FBXO48: variants seen among roughly 807,000 people sequenced by gnomAD.
FBXO48 encodes F-box protein 48.
A neutral mutation model predicts 14.3 loss-of-function variants in FBXO48; 12 were observed. The observed-to-expected ratio is 0.84, with a 90% CI of 0.54 to 1.36. The LOEUF is 1.36. Ranked by LOEUF, FBXO48 falls within the 40% of genes most tolerant of loss-of-function variation. The probability of loss-of-function intolerance (pLI) is 0.00; values close to 1 mark genes in which losing one functional copy is unlikely to be tolerated. For missense variants in FBXO48, 177 were observed against 179.1 expected (o/e 0.99, Z 0.07); for synonymous variants, 53 against 61.7 (o/e 0.86, Z 0.66).
rs1369871147 is a variant in FBXO48, at chr2:68,462,144, T to G, written c.*2065A>C. 6.6e-6 allele frequency: 1 copy of G among 151,946 alleles called. No individual in the cohort carries two copies. The highest frequency in any genetic ancestry group is 1.5e-5 in the Non-Finnish European group (1 of 67,986). 9.4% of individuals were successfully genotyped at this position (151,946 alleles called of 1,614,324 possible). On this transcript the variant is annotated 3_prime_UTR_variant, in exon 4 of 4. Transcript: ENST00000377957. The stretch of plus-strand genomic sequence containing the variant: ...GGTGAGTCTCCCTAATTAGGATAAC[T>G]TCTATTAACAGATGATGATGATAGA...
chr2:68,464,910 T>C lies in FBXO48; in HGVS notation c.236A>G (p.His79Arg). ...IRNSDSLWKP[H>R]CMTVRAVCRR... ...GCACACAGCTCTTACAGTCATGCAG[T>C]GAGGTTTCCATAAAGAGTCACTGTT... Residue 79 changes from histidine to arginine, a missense_variant, in exon 3 of 4, where the codon CAC (histidine) becomes CGC (arginine). Coordinates refer to ENST00000377957, the MANE Select transcript of FBXO48 (RefSeq NM_001024680.3). 1 of 1,613,702 alleles carries C rather than the reference T, an allele frequency of 6.2e-7. No individual in the cohort carries two copies. The highest frequency in any genetic ancestry group is 8.5e-7 in the Non-Finnish European group (1 of 1,179,766).
In FBXO48 at chr2:68,464,884, G is replaced by C. The variant is rs1480540330; in HGVS notation, c.262C>G (p.Arg88Gly). ...TCTAGATCATCATCTATTTCTCTTCGGCACACAGCTCTTACAGTCATGCAG... is the reference window on the plus strand; with the variant it reads ...TCTAGATCATCATCTATTTCTCTTCCGCACACAGCTCTTACAGTCATGCAG... ...PHCMTVRAVC[R>G]REIDDDLESG... The change falls in exon 3 of 4, where the codon CGA becomes GGA. Residue 88 changes from arginine (R) to glycine (G), a missense_variant. Physicochemically the swap from Arg to Gly is moderately radical, Grantham distance 125 (BLOSUM62 -2). Coordinates refer to ENST00000377957, the MANE Select transcript of FBXO48 (RefSeq NM_001024680.3). 5 of 1,613,388 alleles carry C rather than the reference G, an allele frequency of 3.1e-6. No homozygotes were observed. The highest frequency in any genetic ancestry group is 1.1e-5 in the South Asian group (1 of 91,048).
At chr2:68,464,704 A>G (rs1675354002) in intron 3 of FBXO48, 136 bp downstream of exon 3, 3 of 682,246 alleles carry the variant, frequency 4.4e-6, no homozygotes, top group Non-Finnish European at 7.6e-6. Flanking sequence ...ACTTTAACTC[A>G]TTTCCAAGAG....
rs1032224819 is a variant in FBXO48 at position 68,461,951 on chromosome 2, C to T, written c.*2258G>A. 6.6e-6 allele frequency: 1 copy of T among 151,918 alleles called. No individual in the cohort carries two copies. Among genetic ancestry groups the T allele is most frequent in the African/African-American group, 2.4e-5 (1 of 41,328 alleles). 9.4% of individuals were successfully genotyped at this position (151,918 alleles called of 1,614,324 possible). On this transcript the variant is annotated 3_prime_UTR_variant, in exon 4 of 4. Transcript: ENST00000377957. ...CTCGGGAGGCTGACACAGAGAGTTGCTTGAACCTGGGAGGTGGAGGTTGCA... is the reference window on the plus strand; with the variant it reads ...CTCGGGAGGCTGACACAGAGAGTTGTTTGAACCTGGGAGGTGGAGGTTGCA...
At chr2:68,464,490 C>A (rs542785138) in intron 3 of FBXO48, 120 bp from the exon 4 acceptor site, 2 of 789,932 alleles carry the variant, frequency 2.5e-6, no homozygotes, top group Non-Finnish European at 2.1e-6. Flanking sequence ...TTTATATATA[C>A]GTACATTAAT....
intron 2 of FBXO48, 32 bp from the exon 3 acceptor site, chr2:68,465,210 C>A: frequency 9.1e-7 from 1 of 1,097,940 alleles, no homozygotes. Flanking sequence ...TGCTCAGTCT[C>A]CAAATAGGAG....
In FBXO48 at chr2:68,465,052, T is replaced by C; in HGVS notation, c.94A>G (p.Asn32Asp). 4 of 1,613,974 alleles carry C rather than the reference T, an allele frequency of 2.5e-6. 1 individual carries two copies. The South Asian group carries it at 3.3e-5, about 13-fold the overall frequency. The change falls in exon 3 of 4, where the codon AAC (asparagine) becomes GAC (aspartate). Residue 32 changes from asparagine to aspartate, a missense_variant. Coordinates refer to ENST00000377957, the MANE Select transcript of FBXO48 (RefSeq NM_001024680.3). ...GCAGGCAGCAGTTCAAAAAAGTTGT[T>C]TTGACTCTCATTTTTTTCCTTCTCA... ...DAEKEKNESQ[N>D]NFFELLPAEI...
Position 68,462,606 on chromosome 2 carries a change from C to G in FBXO48, c.*1603G>C, listed in dbSNP as rs1402056949. ...CTTCTGACCTGAGGTGATCCACCCA[C>G]CTTGGTCTCCCAAAGTGCTGGGATT... is the stretch of plus-strand genomic sequence containing the variant. On this transcript the variant is annotated 3_prime_UTR_variant, in exon 4 of 4. Transcript: ENST00000377957. 1.3e-5 allele frequency: 2 copies of G among 152,376 alleles called. No individual in the cohort carries two copies. The highest frequency in any genetic ancestry group is 4.8e-5 in the African/African-American group (2 of 41,468). 9.4% of individuals were successfully genotyped at this position (152,376 alleles called of 1,614,324 possible).
intron 3 of FBXO48, among the ~76,000 whole-genome samples, 194 bp from the exon 4 acceptor site, chr2:68,464,564 G>T (rs1675349639): frequency 6.6e-6 from 1 of 152,168 alleles, no homozygotes; most frequent in Non-Finnish European, 1.5e-5. Context: ...GGCATAAGGT[G>T]AAGTGGAAAG....
chr2:68,462,033 T>A lies in FBXO48; in HGVS notation c.*2176A>T. 1 of 151,226 alleles carries A rather than the reference T, an allele frequency of 6.6e-6. No individual in the cohort carries two copies. Among genetic ancestry groups the A allele is most frequent in the Non-Finnish European group, 1.5e-5 (1 of 68,050 alleles). The allele number at this position is 151,226 out of a possible 1,614,324, so 9.4% of individuals were successfully genotyped here. ...CTGGGTGACAGAGTGAGACTTCATC[T>A]CAAAAAACAAAACAAAAAAACAAAA... On this transcript the variant is annotated 3_prime_UTR_variant, in exon 4 of 4. Coordinates refer to ENST00000377957, the MANE Select transcript of FBXO48 (RefSeq NM_001024680.3).
rs924636377 is a variant in FBXO48, at chr2:68,461,287, C to CTTTTTTTTTTTTT, written c.*2909_*2921dup. On this transcript the variant is annotated 3_prime_UTR_variant, in exon 4 of 4. Transcript: ENST00000377957. Reference sequence around the variant, plus strand: ...CTTACTTAAGATCCGTTTTCGTTTTCTTTTTTTTTTTTTTTTTTTTGAGAC... The same window carrying CTTTTTTTTTTTTT: ...CTTACTTAAGATCCGTTTTCGTTTTCTTTTTTTTTTTTTTTTTTTTTTTTTTTTTTTTTGAGAC... 6.4e-4 allele frequency: 76 copies of CTTTTTTTTTTTTT among 119,632 alleles called. 4 individuals are homozygous for CTTTTTTTTTTTTT. The highest frequency in any genetic ancestry group is 2.6e-3 in the African/African-American group (70 of 26,638). The allele number at this position is 119,632 out of a possible 1,614,324, so 7.4% of individuals were successfully genotyped here. A position where few individuals can be genotyped will look rare whatever the true frequency, so the allele number is the denominator to read the frequency against.
In FBXO48 at chr2:68,465,050, G is replaced by T; in HGVS notation, c.96C>A (p.Asn32Lys). ...DAEKEKNESQ[N>K]NFFELLPAEI... ...CTGCAGGCAGCAGTTCAAAAAAGTT[G>T]TTTTGACTCTCATTTTTTTCCTTCT... The change falls in exon 3 of 4, where the codon AAC becomes AAA. Residue 32 changes from asparagine to lysine, a missense_variant. Coordinates refer to ENST00000377957, the MANE Select transcript of FBXO48 (RefSeq NM_001024680.3). The T allele has an allele frequency of 6.2e-7, 1 of 1,613,916 alleles. No homozygotes were observed. Among genetic ancestry groups the T allele is most frequent in the South Asian group, 1.1e-5 (1 of 91,080 alleles).
intron 2 of FBXO48, 22 bp from the exon 3 acceptor site, chr2:68,465,200 T>C: frequency 8.1e-7 from 1 of 1,237,108 alleles, no homozygotes; most frequent in Admixed American, 2.4e-5. Flanking sequence ...AATTTAAACA[T>C]GCTCAGTCTC....
Position 68,461,307 on chromosome 2 carries a change from T to TTTTTTTG in FBXO48, c.*2901_*2902insCAAAAAA, listed in dbSNP as rs1675258362. ...GTTTTCTTTTTTTTTTTTTTTTTTT[T>TTTTTTTG]GAGACGGAGTCTCGCTCTGTCGCCC... On this transcript the variant is annotated 3_prime_UTR_variant, in exon 4 of 4. Transcript: ENST00000377957. 6.9e-6 allele frequency: 1 copy of TTTTTTTG among 145,362 alleles called. No homozygotes were observed. Among genetic ancestry groups the TTTTTTTG allele is most frequent in the African/African-American group, 2.7e-5 (1 of 37,482 alleles). The allele number at this position is 145,362 out of a possible 1,614,324, so 9.0% of individuals were successfully genotyped here. A position where few individuals can be genotyped will look rare whatever the true frequency, so the allele number is the denominator to read the frequency against.
chr2:68,463,386 A>C lies in FBXO48; in HGVS notation c.*823T>G, dbSNP rs1675315904. The C allele has an allele frequency of 6.6e-6, 1 of 152,200 alleles. No homozygotes were observed. Among genetic ancestry groups the C allele is most frequent in the Admixed American group, 6.5e-5 (1 of 15,278 alleles). 9.4% of individuals were successfully genotyped at this position (152,200 alleles called of 1,614,324 possible). On this transcript the variant is annotated 3_prime_UTR_variant, in exon 4 of 4. Transcript: ENST00000377957. Reference sequence around the variant, plus strand: ...TAAACTTTAACAAAGACAAGTGTTAAGGATTCTTTAGAATAACAGTTTTCT... The same window carrying C: ...TAAACTTTAACAAAGACAAGTGTTACGGATTCTTTAGAATAACAGTTTTCT...
rs1219657949 is a variant in FBXO48, at chr2:68,461,136, T to C, written c.*3073A>G. The C allele has an allele frequency of 2.6e-5, 4 of 152,116 alleles. No homozygotes were observed. Among genetic ancestry groups the C allele is most frequent in the Non-Finnish European group, 5.9e-5 (4 of 68,030 alleles). The allele number at this position is 152,116 out of a possible 1,614,324, so 9.4% of individuals were successfully genotyped here. A position where few individuals can be genotyped will look rare whatever the true frequency, so the allele number is the denominator to read the frequency against. ...AAACCACATCAGGTGGGGGTCCCAG[T>C]ATGATGGTGAAACTCAATTTGAATT... On this transcript the variant is annotated 3_prime_UTR_variant, in exon 4 of 4. Transcript: ENST00000377957.
In FBXO48 at chr2:68,460,711, G is replaced by A. The variant is rs2103847384; in HGVS notation, c.*3498C>T. ...GTAGATGGGATCACCAAGGATGTTA[G>A]AGTATAGAGACGAGATGACAACAGG... On this transcript the variant is annotated 3_prime_UTR_variant, in exon 4 of 4. Transcript: ENST00000377957. The A allele has an allele frequency of 6.6e-6, 1 of 152,112 alleles. No individual in the cohort carries two copies. The highest frequency in any genetic ancestry group is 1.9e-4 in the East Asian group (1 of 5,192). The allele number at this position is 152,112 out of a possible 1,614,324, so 9.4% of individuals were successfully genotyped here.
chr2:68,465,166 C>G lies in FBXO48; in HGVS notation c.-21G>C, dbSNP rs368010751. The G allele has an allele frequency of 4.5e-6, 7 of 1,550,038 alleles. No individual in the cohort carries two copies. The highest frequency in any genetic ancestry group is 6.1e-6 in the Non-Finnish European group (7 of 1,143,842). The stretch of plus-strand genomic sequence containing the variant: ...TGCATAGCTTAATGTTTTAAGTTAT[C>G]CTCATATGTAACCTAAAAGGCAAAA... On this transcript the variant is annotated 5_prime_UTR_variant, in exon 3 of 4. Coordinates refer to ENST00000377957, the MANE Select transcript of FBXO48 (RefSeq NM_001024680.3).
rs1675234053 is a variant in FBXO48, at chr2:68,460,537, TA to T, written c.*3671del. 6 of 107,232 alleles carry T rather than the reference TA, an allele frequency of 5.6e-5. No homozygotes were observed. Among genetic ancestry groups the T allele is most frequent in the African/African-American group, 4.2e-4 (5 of 11,970 alleles). 6.6% of individuals were successfully genotyped at this position (107,232 alleles called of 1,614,324 possible). A position where few individuals can be genotyped will look rare whatever the true frequency, so the allele number is the denominator to read the frequency against. On this transcript the variant is annotated 3_prime_UTR_variant, in exon 4 of 4. Coordinates refer to ENST00000377957, the MANE Select transcript of FBXO48 (RefSeq NM_001024680.3). ...CTATCTTTGGATATATCAAATATTT[TA>T]TATATATATATATATACTTATACTA...
Sources: gnomAD v4.1 joint callset for allele counts (sites outside exome capture counted in the v4.1 genomes callset) on GRCh38, gnomAD v4.1.1 for gene constraint, MANE v1.5 for transcripts, NCBI Gene and HGNC (gene_info 2026-07-23, HGNC 2026-07-21) for gene names.